Variants in TACR3 observed in about 807,000 individuals in gnomAD.
The protein encoded by TACR3 is tachykinin receptor 3.
TACR3 carries 34 observed loss-of-function variants against 35.0 expected under a neutral mutation model. The observed-to-expected ratio is 0.97, with a 90% CI of 0.74 to 1.30. The LOEUF is 1.30. Ranked by LOEUF, TACR3 falls within the 50% of genes most tolerant of loss-of-function variation. TACR3 has a pLI of 0.00. For missense variants in TACR3, 558 were observed against 591.7 expected (o/e 0.94, Z 0.59); for synonymous variants, 233 against 221.1 (o/e 1.05, Z -0.48).
At chr4:103,629,736 A>G (rs1157838769) in intron 3 of TACR3, among the ~76,000 whole-genome samples, 1 of 151,898 alleles carries the variant, frequency 6.6e-6, no homozygotes, top group Non-Finnish European at 1.5e-5. Context: ...TACAGATTCA[A>G]TGCCATCCCC....
At chr4:103,594,937 GCTTACAAAAT>G (rs1449362253) in intron 3 of TACR3, among the ~76,000 whole-genome samples, 1 of 152,064 alleles carries the variant, frequency 6.6e-6, no homozygotes, top group Admixed American at 6.6e-5. Context: ...TTGGCACTCT[GCTTACAAAAT>G]CTTGTAGTGT....
Position 103,591,584 on chromosome 4 carries a change from T to G in TACR3, c.988A>C (p.Arg330=). Residue 330 remains arginine, a synonymous_variant, in exon 4 of 5, where the codon AGA becomes CGA. Transcript: ENST00000304883. ...ILTAIYQQLN[R]WKYIQQVYLA... The stretch of plus-strand genomic sequence containing the variant: ...TAGACCTGCTGGATGTATTTCCATC[T>G]ATTTAGTTGTTGATAGATTGCAGTG... The G allele has an allele frequency of 3.1e-6, 5 of 1,613,916 alleles. No individual in the cohort carries two copies. The highest frequency in any genetic ancestry group is 4.2e-6 in the Non-Finnish European group (5 of 1,179,858).
At chr4:103,638,052 C>CA (rs1725239307) in intron 3 of TACR3, among the ~76,000 whole-genome samples, 2 of 152,280 alleles carry the variant, frequency 1.3e-5, no homozygotes, top group East Asian at 3.9e-4. Flanking sequence ...ACCCATGAAG[C>CA]TACCAATGAC....
At chr4:103,716,215 TTGTGTGTGTGTGTGTGTG>T (rs56790385) in intron 1 of TACR3, among the ~76,000 whole-genome samples, 1 of 143,234 alleles carries the variant, frequency 7.0e-6, no homozygotes, top group Non-Finnish European at 1.5e-5. Context: ...TAATTTTATC[TTGTGTGTGTGTGTGTGTG>T]TGTGTGTGTG....
At chr4:103,659,532 A>G (rs1725795410) in intron 1 of TACR3, among the ~76,000 whole-genome samples, 1 of 152,212 alleles carries the variant, frequency 6.6e-6, no homozygotes, top group African/African-American at 2.4e-5. Context: ...AATTTCCGTG[A>G]TTAATAAATC....
At chr4:103,664,595 A>G (rs1026062556) in intron 1 of TACR3, among the ~76,000 whole-genome samples, 4 of 152,228 alleles carry the variant, frequency 2.6e-5, no homozygotes, top group Non-Finnish European at 5.9e-5. Flanking sequence ...TTAAGTCCCA[A>G]ACACAAAATA....
chr4:103,666,234 A>G (rs192739871), intron 1 of TACR3, among the ~76,000 whole-genome samples: 1 of 152,318 alleles, frequency 6.6e-6, no homozygotes, highest in Admixed American at 6.5e-5. Context: ...ACACAGTGGT[A>G]AAGACATTAG....
At chr4:103,642,656 G>A (rs1204025872) in intron 3 of TACR3, among the ~76,000 whole-genome samples, 1 of 151,840 alleles carries the variant, frequency 6.6e-6, no homozygotes, top group Non-Finnish European at 1.5e-5. Context: ...CAGAGGCTGG[G>A]AAGGGTAGGG....
intron 3 of TACR3, among the ~76,000 whole-genome samples, chr4:103,617,923 G>A (rs541818215): frequency 1.4e-3 from 207 of 152,084 alleles, no homozygotes; most frequent in African/African-American, 4.7e-3. Context: ...AGGTAATTAG[G>A]AGAGAAAAAA....
intron 1 of TACR3, among the ~76,000 whole-genome samples, chr4:103,662,789 C>A (rs537137508): frequency 1.2e-4 from 18 of 152,186 alleles, no homozygotes; most frequent in African/African-American, 4.1e-4. Context: ...AGATTGCCAG[C>A]AAATCACCAG....
intron 3 of TACR3, among the ~76,000 whole-genome samples, chr4:103,609,839 G>T (rs1014669200): frequency 1.3e-5 from 2 of 151,948 alleles, no homozygotes; most frequent in African/African-American, 4.8e-5. Flanking sequence ...CTTCTATAAG[G>T]TAAACTTTGT....
chr4:103,631,945 T>C (rs1171057455), intron 3 of TACR3, among the ~76,000 whole-genome samples: 2 of 152,216 alleles, frequency 1.3e-5, no homozygotes, highest in East Asian at 3.9e-4. Context: ...TATCTTGTTC[T>C]TTCCTCTATT....
intron 3 of TACR3, among the ~76,000 whole-genome samples, chr4:103,609,808 G>C (rs1724473797): frequency 6.6e-6 from 1 of 151,996 alleles, no homozygotes; most frequent in Non-Finnish European, 1.5e-5. Flanking sequence ...CTAGTGATTA[G>C]TGAGAAGTAA....
intron 1 of TACR3, among the ~76,000 whole-genome samples, chr4:103,697,302 T>C (rs1722541007): frequency 6.6e-6 from 1 of 152,190 alleles, no homozygotes; most frequent in Non-Finnish European, 1.5e-5. Flanking sequence ...AGTTTATCCT[T>C]TATGCAAACA....
chr4:103,621,168 AG>A (rs1321731809), intron 3 of TACR3, among the ~76,000 whole-genome samples: 1 of 152,232 alleles, frequency 6.6e-6, no homozygotes, highest in African/African-American at 2.4e-5. Flanking sequence ...TCCTTCTAGA[AG>A]AATAGCTGTC....
Position 103,589,455 on chromosome 4 carries a change from GT to G in TACR3, c.*226del. On this transcript the variant is annotated 3_prime_UTR_variant, in exon 5 of 5. Transcript: ENST00000304883. The stretch of plus-strand genomic sequence containing the variant: ...TGTTCATTGCATATAATAATTTAGA[GT>G]TTTCAAAGAATAAATTTAAAGCCCA... 1.9e-6 allele frequency: 1 copy of G among 525,274 alleles called. No homozygotes were observed. The highest frequency in any genetic ancestry group is 3.4e-6 in the Non-Finnish European group (1 of 295,688). 32.5% of individuals were successfully genotyped at this position (525,274 alleles called of 1,614,324 possible). A position where few individuals can be genotyped will look rare whatever the true frequency, so the allele number is the denominator to read the frequency against.
At chr4:103,629,292 C>T (rs1342294066) in intron 3 of TACR3, among the ~76,000 whole-genome samples, 2 of 151,940 alleles carry the variant, frequency 1.3e-5, no homozygotes, top group Non-Finnish European at 2.9e-5. Context: ...CTGGACAGGG[C>T]AATCAGGCAG....
chr4:103,638,705 A>G (rs187109253), intron 3 of TACR3, among the ~76,000 whole-genome samples: 11 of 152,320 alleles, frequency 7.2e-5, no homozygotes, highest in African/African-American at 2.4e-4. Flanking sequence ...ACAAAGGGCT[A>G]CTATCCAGAA....
At chr4:103,607,351 G>T (rs1724402459) in intron 3 of TACR3, among the ~76,000 whole-genome samples, 2 of 151,974 alleles carry the variant, frequency 1.3e-5, no homozygotes, top group African/African-American at 4.8e-5. Flanking sequence ...CTGATTTTCA[G>T]ACTCAGTTTA....
Sources: gnomAD v4.1 joint callset for allele counts (sites outside exome capture counted in the v4.1 genomes callset) on GRCh38, gnomAD v4.1.1 for gene constraint, MANE v1.5 for transcripts, NCBI Gene and HGNC (gene_info 2026-07-23, HGNC 2026-07-21) for gene names.